The following TGFBR3 variants were observed in gnomAD, a reference collection of about 807,000 sequenced individuals.
TGFBR3 encodes transforming growth factor beta receptor 3.
In TGFBR3, 46 loss-of-function variants were observed where a neutral mutation model predicts 87.9. That is an observed-to-expected ratio of 0.52 (90% confidence interval 0.41 to 0.67). The LOEUF (loss-of-function observed/expected upper bound fraction) is 0.67. TGFBR3 is among the 30% of genes least tolerant of loss of function. TGFBR3 has a pLI of 0.00. For synonymous variants in TGFBR3, 381 were observed against 391.6 expected (o/e 0.97, Z 0.32); for missense variants, 866 against 1,041.9 (o/e 0.83, Z 2.32).
chr1:91,757,750 A>C (rs984645972), intron 4 of TGFBR3, among the ~76,000 whole-genome samples: 2 of 152,232 alleles, frequency 1.3e-5, no homozygotes, highest in African/African-American at 4.8e-5. Flanking sequence ...CTTCAAACAC[A>C]GGGGAAAGAA....
At chr1:91,769,909 G>A (rs2100929250) in intron 3 of TGFBR3, among the ~76,000 whole-genome samples, 1 of 152,292 alleles carries the variant, frequency 6.6e-6, no homozygotes, top group East Asian at 1.9e-4. Context: ...AAAGCAATTT[G>A]TGCTCTGTGA....
At chr1:91,835,064 G>C (rs1185607541) in intron 2 of TGFBR3, among the ~76,000 whole-genome samples, 1 of 152,100 alleles carries the variant, frequency 6.6e-6, no homozygotes, top group Non-Finnish European at 1.5e-5. Flanking sequence ...TATGCAAGTG[G>C]GGGGCCCAGA....
Position 91,680,982 on chromosome 1 carries a change from A to G in TGFBR3, c.*2757T>C. On this transcript the variant is annotated 3_prime_UTR_variant, in exon 17 of 17. Coordinates refer to ENST00000212355, the MANE Select transcript of TGFBR3 (RefSeq NM_003243.5). The stretch of plus-strand genomic sequence containing the variant: ...ATGGTGAAAAGCTATAGCGTATTAT[A>G]CAGACAATCTGCCTTGGAGTTTGGG... 1 of 454,174 alleles carries G rather than the reference A, an allele frequency of 2.2e-6. No homozygotes were observed. The highest frequency in any genetic ancestry group is 1.6e-5 in the South Asian group (1 of 64,480). The allele number at this position is 454,174 out of a possible 1,614,324, so 28.1% of individuals were successfully genotyped here. A position where few individuals can be genotyped will look rare whatever the true frequency, so the allele number is the denominator to read the frequency against.
intron 14 of TGFBR3, 21 bp from the exon 15 acceptor site, chr1:91,698,151 A>C: frequency 6.2e-7 from 1 of 1,610,810 alleles, no homozygotes; most frequent in South Asian, 1.1e-5. Flanking sequence ...AACATAAATC[A>C]CAATGTATTC....
chr1:91,787,542 T>A (rs1675014581), intron 3 of TGFBR3, among the ~76,000 whole-genome samples: 2 of 152,168 alleles, frequency 1.3e-5, no homozygotes, highest in Non-Finnish European at 2.9e-5. Flanking sequence ...GCCATCTGAC[T>A]GTAGTTCCAC....
In TGFBR3 at chr1:91,683,490, G is replaced by C; in HGVS notation, c.*249C>G. On this transcript the variant is annotated 3_prime_UTR_variant, in exon 17 of 17. Coordinates refer to ENST00000212355, the MANE Select transcript of TGFBR3 (RefSeq NM_003243.5). ...AAGCCTGTGAGGGGCTGGTGGAGAA[G>C]ACCACCATTTTAGCTTTCTCACATG... 1.5e-6 allele frequency: 1 copy of C among 679,236 alleles called. No individual in the cohort carries two copies. The highest frequency in any genetic ancestry group is 1.5e-5 in the South Asian group (1 of 66,486). The allele number at this position is 679,236 out of a possible 1,614,324, so 42.1% of individuals were successfully genotyped here. A position where few individuals can be genotyped will look rare whatever the true frequency, so the allele number is the denominator to read the frequency against.
intron 14 of TGFBR3, among the ~76,000 whole-genome samples, chr1:91,700,069 T>C (rs2182423): frequency 0.59 from 89,359 of 152,120 alleles, 26,520 homozygotes; most frequent in African/African-American, 0.63. Flanking sequence ...CAGCTATGCT[T>C]ATTTACATAC....
At chr1:91,885,851 G>A (rs1679277908) in intron 1 of TGFBR3, 27 bp downstream of exon 1, 1 of 326,134 alleles carries the variant, frequency 3.1e-6, no homozygotes, top group Non-Finnish European at 6.0e-6. Flanking sequence ...GCGGGCTGCA[G>A]CGCCGCGGGG....
intron 2 of TGFBR3, among the ~76,000 whole-genome samples, chr1:91,810,725 G>A (rs896249373): frequency 2.6e-5 from 4 of 152,080 alleles, no homozygotes; most frequent in African/African-American, 7.2e-5. Flanking sequence ...ACCTGGGGCA[G>A]CTACTTAGCC....
intron 2 of TGFBR3, among the ~76,000 whole-genome samples, chr1:91,860,934 CAAAAAAA>C (rs3039477): frequency 1.4e-4 from 5 of 35,636 alleles, no homozygotes; most frequent in Admixed American, 4.3e-4. Context: ...TCTGTCTCCA[CAAAAAAA>C]AAAAAAAAAA....
At position 91,770,493 on chromosome 1, in the gene TGFBR3, C is replaced by T. The variant is rs556303416; in HGVS notation, c.247-11743G>A. Among the ~76,000 whole-genome samples, 103 of 152,216 alleles carry T rather than the reference C, an allele frequency of 6.8e-4. 1 individual carries two copies. The highest frequency in any genetic ancestry group is 2.4e-3 in the African/African-American group (101 of 41,552). The stretch of plus-strand genomic sequence containing the variant: ...CAAATATAGAGTATAGTAACTAAAA[C>T]AGAAATCTCTTCATGGATTTATAAG... On this transcript the variant is annotated intron_variant, in intron 3 of 16. Transcript: ENST00000212355.
At chr1:91,844,944 C>G (rs1191894395) in intron 2 of TGFBR3, among the ~76,000 whole-genome samples, 1 of 152,166 alleles carries the variant, frequency 6.6e-6, no homozygotes, top group Admixed American at 6.5e-5. Flanking sequence ...AAATACTAAG[C>G]TGCTACTCTA....
intron 14 of TGFBR3, among the ~76,000 whole-genome samples, chr1:91,699,598 C>T (rs1387133191): frequency 8.5e-5 from 13 of 152,054 alleles, no homozygotes; most frequent in Admixed American, 8.5e-4. Flanking sequence ...CAGAGGAAAC[C>T]AGCAATCAGA....
chr1:91,800,614 G>C (rs577349895), intron 2 of TGFBR3, among the ~76,000 whole-genome samples: 1 of 151,070 alleles, frequency 6.6e-6, no homozygotes, highest in African/African-American at 2.4e-5. Flanking sequence ...TTTGGTTTTC[G>C]AAGTTCCTCA....
At chr1:91,789,975 C>T (rs1293595579) in intron 3 of TGFBR3, among the ~76,000 whole-genome samples, 1 of 152,142 alleles carries the variant, frequency 6.6e-6, no homozygotes, top group African/African-American at 2.4e-5. Flanking sequence ...CCCTCCAATC[C>T]TATGTGGACA....
intron 1 of TGFBR3, among the ~76,000 whole-genome samples, chr1:91,876,155 G>A (rs879710714): frequency 6.6e-6 from 1 of 152,052 alleles, no homozygotes; most frequent in Non-Finnish European, 1.5e-5. Context: ...AGAGTAAATG[G>A]GAGGTGAGAA....
intron 2 of TGFBR3, among the ~76,000 whole-genome samples, chr1:91,898,588 C>T (rs1290893531): frequency 2.0e-5 from 3 of 152,100 alleles, no homozygotes; most frequent in Non-Finnish European, 2.9e-5. Flanking sequence ...AGGCGCCCGC[C>T]ACCACGCCCA....
rs567868623 is a variant in TGFBR3 at position 91,883,742 on chromosome 1, G to A, written c.-114+2136C>T. Among the ~76,000 whole-genome samples the A allele has an allele frequency of 5.6e-5, 8 of 144,114 alleles. No homozygotes were observed. In the East Asian group the frequency reaches 6.1e-4, roughly 11 times the overall value. 94.5% of individuals were successfully genotyped at this position (144,114 alleles called of 152,430 possible). A position where few individuals can be genotyped will look rare whatever the true frequency, so the allele number is the denominator to read the frequency against. ...TAACGGTCAGATTCCATCAAAACAG[G>A]AAAAATTAAAGTTGACAAATGTCAA... On this transcript the variant is annotated intron_variant, in intron 1 of 16. Coordinates refer to ENST00000212355, the MANE Select transcript of TGFBR3 (RefSeq NM_003243.5).
rs1194827047 is a variant in TGFBR3 at position 91,682,201 on chromosome 1, G to C, written c.*1538C>G. On this transcript the variant is annotated 3_prime_UTR_variant, in exon 17 of 17. Coordinates refer to ENST00000212355, the MANE Select transcript of TGFBR3 (RefSeq NM_003243.5). ...AAGCTTCATCAGGATTACCTACTGAGGTTCCATTCACAGACAACCAGGCAT... is the reference window on the plus strand; with the variant it reads ...AAGCTTCATCAGGATTACCTACTGACGTTCCATTCACAGACAACCAGGCAT... 1.1e-5 allele frequency: 5 copies of C among 453,906 alleles called. No homozygotes were observed. Among genetic ancestry groups the C allele is most frequent in the Non-Finnish European group, 1.8e-5 (4 of 226,774 alleles). 28.1% of individuals were successfully genotyped at this position (453,906 alleles called of 1,614,324 possible).
Sources: gnomAD v4.1 joint callset for allele counts (sites outside exome capture counted in the v4.1 genomes callset) on GRCh38, gnomAD v4.1.1 for gene constraint, MANE v1.5 for transcripts, NCBI Gene and HGNC (gene_info 2026-07-23, HGNC 2026-07-21) for gene names.